Variants in KAZN observed in about 807,000 individuals in gnomAD.
KAZN encodes kazrin, periplakin interacting protein.
KAZN carries 40 observed loss-of-function variants against 87.4 expected under a neutral mutation model. That is an observed-to-expected ratio of 0.46 (90% CI 0.36 to 0.60). The LOEUF is 0.60. Ranked by LOEUF, KAZN falls within the 20% of genes least tolerant of loss-of-function variation. KAZN has a pLI of 0.00. For missense variants in KAZN, 898 were observed against 1,073.9 expected (o/e 0.84, Z 2.29); for synonymous variants, 466 against 458.3 (o/e 1.02, Z -0.22).
intron 8 of KAZN, among the ~76,000 whole-genome samples, chr1:15,091,079 G>A (rs559063955): frequency 2.6e-5 from 4 of 152,134 alleles, no homozygotes; most frequent in Admixed American, 2.6e-4. Context: ...AAACTTGGGA[G>A]ACAGAAAAGT....
rs150242972 is a variant in KAZN at position 13,931,873 on chromosome 1, T to C, written c.91+38117T>C. Among the ~76,000 whole-genome samples, 197 of 152,336 alleles carry C rather than the reference T, an allele frequency of 1.3e-3. 2 individuals are homozygous for C. The highest frequency in any genetic ancestry group is 6.8e-3 in the Middle Eastern group (2 of 294). ...TTTTCTTTGAAACGGAGTCTCGCTC[T>C]ATTGCCCAGGCTGGAGTGCAGTGGC... On this transcript the variant is annotated intron_variant, in intron 1 of 16. Transcript: ENST00000636203.
chr1:14,382,613 C>T (rs1571463260), intron 2 of KAZN, among the ~76,000 whole-genome samples: 1 of 148,474 alleles, frequency 6.7e-6, no homozygotes, highest in Admixed American at 6.7e-5. Context: ...ATGATGATTT[C>T]CAATTTCATC....
At chr1:14,224,799 T>C (rs1647205604) in intron 2 of KAZN, among the ~76,000 whole-genome samples, 1 of 152,162 alleles carries the variant, frequency 6.6e-6, no homozygotes, top group African/African-American at 2.4e-5. Context: ...AACTCTTCCT[T>C]TTCATAATAA....
At chr1:14,594,807 A>G (rs1321747375), upstream of KAZN, among the ~76,000 whole-genome samples, 1 of 152,146 alleles carries the variant, frequency 6.6e-6, no homozygotes, top group Non-Finnish European at 1.5e-5. Flanking sequence ...AGACAGGCAA[A>G]TGGGCTTGCA....
At chr1:13,955,985 C>T (rs1240629125) in intron 1 of KAZN, among the ~76,000 whole-genome samples, 7 of 152,168 alleles carry the variant, frequency 4.6e-5, no homozygotes, top group South Asian at 2.1e-4. Context: ...GGTGTCTGCT[C>T]ATCATGAGCG....
At chr1:13,935,862 A>ATGTGTGTG (rs143281844) in intron 1 of KAZN, among the ~76,000 whole-genome samples, 8 of 124,160 alleles carry the variant, frequency 6.4e-5, no homozygotes, top group Admixed American at 3.7e-4. Context: ...TTACATCCTA[A>ATGTGTGTG]TGTGTGTGTG....
At position 14,995,457 on chromosome 1, in the gene KAZN, T is replaced by C. The variant is rs566671656; in HGVS notation, c.418+34582T>C. Among the ~76,000 whole-genome samples, 204 of 152,186 alleles carry C rather than the reference T, an allele frequency of 1.3e-3. 4 individuals are homozygous for C. Among genetic ancestry groups the C allele is most frequent in the African/African-American group, 4.4e-3 (183 of 41,524 alleles). On this transcript the variant is annotated intron_variant, in intron 2 of 14. Coordinates refer to ENST00000376030, the MANE Select transcript of KAZN (RefSeq NM_201628.3). ...GGTCAACGTGGTAAAACCCCGTCTC[T>C]ACCAAAAATACAAAAATTAGCCAGG...
chr1:14,550,740 C>CCTCTCTCT (rs1557793842), intron 2 of KAZN, among the ~76,000 whole-genome samples: 1 of 40,532 alleles, frequency 2.5e-5, no homozygotes, highest in Non-Finnish European at 5.9e-5. Context: ...TCTCTCTCTC[C>CCTCTCTCT]CCCACCCCGC....
chr1:14,046,402 A>G (rs921740131), intron 1 of KAZN, among the ~76,000 whole-genome samples: 89 of 147,952 alleles, frequency 6.0e-4, no homozygotes, highest in South Asian at 3.9e-3. Flanking sequence ...ATACATATAT[A>G]TATAAATTTA....
chr1:14,376,511 G>A (rs1660930625), intron 2 of KAZN, among the ~76,000 whole-genome samples: 1 of 152,100 alleles, frequency 6.6e-6, no homozygotes, highest in African/African-American at 2.4e-5. Context: ...AAATGACATA[G>A]CACAAAGGCC....
At chr1:14,350,047 AG>A (rs763215479) in intron 2 of KAZN, among the ~76,000 whole-genome samples, 1 of 147,528 alleles carries the variant, frequency 6.8e-6, no homozygotes, top group Non-Finnish European at 1.5e-5. Context: ...TGAACCTGGG[AG>A]GCGTGAACCT....
intron 2 of KAZN, among the ~76,000 whole-genome samples, chr1:14,431,892 G>A (rs989626523): frequency 1.3e-5 from 2 of 152,152 alleles, no homozygotes; most frequent in Non-Finnish European, 2.9e-5. Context: ...CTCTTCCCCA[G>A]CTTGCAGACG....
At chr1:14,454,395 G>C (rs945928078) in intron 2 of KAZN, among the ~76,000 whole-genome samples, 3 of 152,112 alleles carry the variant, frequency 2.0e-5, no homozygotes. Flanking sequence ...ATCTTTATTT[G>C]TTTCTGATTT....
At chr1:15,068,412 C>G (rs1045769633) in intron 8 of KAZN, among the ~76,000 whole-genome samples, 4 of 152,264 alleles carry the variant, frequency 2.6e-5, no homozygotes, top group Admixed American at 2.0e-4. Context: ...CGCACCACCC[C>G]CGACCTGGCA....
At chr1:14,047,089 C>T (rs1642109114) in intron 1 of KAZN, among the ~76,000 whole-genome samples, 1 of 152,204 alleles carries the variant, frequency 6.6e-6, no homozygotes, top group South Asian at 2.1e-4. Flanking sequence ...TTCCATCCAC[C>T]TGTCATCCAT....
intron 2 of KAZN, among the ~76,000 whole-genome samples, chr1:14,548,580 A>G (rs1191917593): frequency 6.6e-6 from 1 of 152,228 alleles, no homozygotes; most frequent in Admixed American, 6.5e-5. Flanking sequence ...TCTTGAATAT[A>G]TAAGCAGAAT....
intron 2 of KAZN, among the ~76,000 whole-genome samples, chr1:14,552,499 C>T (rs1199587389): frequency 6.6e-6 from 1 of 152,210 alleles, no homozygotes; most frequent in Non-Finnish European, 1.5e-5. Flanking sequence ...TGGCGGTTGC[C>T]AGGGAAACTG....
At chr1:15,035,989 T>C (rs1018729330) in intron 3 of KAZN, among the ~76,000 whole-genome samples, 10 of 152,076 alleles carry the variant, frequency 6.6e-5, no homozygotes, top group Non-Finnish European at 1.5e-4. Flanking sequence ...GACCAGAGTG[T>C]TCAGACTGGA....
chr1:14,398,200 C>T (rs1286446806), intron 2 of KAZN, among the ~76,000 whole-genome samples: 1 of 152,194 alleles, frequency 6.6e-6, no homozygotes, highest in Non-Finnish European at 1.5e-5. Context: ...GGTTATGCAA[C>T]AATAGCTAAC....
Sources: allele counts gnomAD v4.1 joint callset (sites outside exome capture counted in the v4.1 genomes callset), GRCh38; gene constraint gnomAD v4.1.1; transcripts MANE v1.5; gene names NCBI Gene and HGNC (gene_info 2026-07-23, HGNC 2026-07-21).